PAK4: variants seen among roughly 807,000 people sequenced by gnomAD.
PAK4 encodes the protein p21 (RAC1) activated kinase 4.
Under a neutral mutation model 53.5 loss-of-function variants are expected in PAK4, and 49 were observed. That is an observed-to-expected ratio of 0.92 (90% confidence interval 0.73 to 1.16). The LOEUF is 1.16. Among genes scored for constraint, PAK4 ranks in the 50% most tolerant of loss-of-function variants. The pLI is 0.00. For missense variants in PAK4, 824 were observed against 850.7 expected (o/e 0.97, Z 0.39); for synonymous variants, 376 against 375.6 (o/e 1.00, Z -0.01).
chr19:39,169,800 C>G (rs767951701), intron 2 of PAK4, 43 bp downstream of exon 3: 4 of 1,420,262 alleles, frequency 2.8e-6, no homozygotes, highest in Non-Finnish European at 3.8e-6. Context: ...CACCCCAACC[C>G]CCGAGTGGCC....
intron 1 of PAK4, among the ~76,000 whole-genome samples, chr19:39,156,107 G>A (rs982872711): frequency 2.0e-5 from 3 of 152,130 alleles, no homozygotes; most frequent in South Asian, 2.1e-4. Flanking sequence ...CCCTGACCTC[G>A]CCCCTCCCCC....
intron 7 of PAK4, 74 bp downstream of exon 8, chr19:39,176,789 G>A: frequency 6.4e-7 from 1 of 1,558,228 alleles, no homozygotes; most frequent in Non-Finnish European, 8.7e-7. Context: ...AGCGCTGGCG[G>A]GAGATGGGGC....
chr19:39,166,405 C>T (rs772575337), intron 1 of PAK4, among the ~76,000 whole-genome samples: 2 of 152,228 alleles, frequency 1.3e-5, no homozygotes, highest in Non-Finnish European at 2.9e-5. Flanking sequence ...GATCGCACCA[C>T]TGCACTCCAG....
chr19:39,135,318 CTTA>C (rs1463595398), intron 1 of PAK4: 1 of 135,384 alleles, frequency 7.4e-6, no homozygotes, highest in East Asian at 2.3e-4. Context: ...GAGTCAAGTG[CTTA>C]TTCTTTTTTT....
chr19:39,145,359 A>T (rs1382838459), intron 1 of PAK4, among the ~76,000 whole-genome samples: 2 of 152,082 alleles, frequency 1.3e-5, no homozygotes, highest in East Asian at 3.9e-4. Flanking sequence ...CTTGGCTGCA[A>T]CTCTCTCAAT....
At chr19:39,155,445 G>A (rs965090686) in intron 1 of PAK4, among the ~76,000 whole-genome samples, 3 of 152,180 alleles carry the variant, frequency 2.0e-5, no homozygotes, top group African/African-American at 7.2e-5. Context: ...CCCAGCCTGG[G>A]GTGGCAGGGA....
At chr19:39,166,417 C>T (rs1209651695) in intron 1 of PAK4, among the ~76,000 whole-genome samples, 2 of 152,248 alleles carry the variant, frequency 1.3e-5, no homozygotes, top group African/African-American at 4.8e-5. Flanking sequence ...GCACTCCAGC[C>T]TGGGCGACAG....
chr19:39,174,398 A>G (rs1405195807), intron 4 of PAK4, among the ~76,000 whole-genome samples: 1 of 150,166 alleles, frequency 6.7e-6, no homozygotes, highest in East Asian at 2.0e-4. Flanking sequence ...CACAGCCCAC[A>G]CAACCACCAA....
Position 39,166,671 on chromosome 19 carries a change from G to A in PAK4, c.-22-2861G>A, listed in dbSNP as rs188522885. Among the ~76,000 whole-genome samples, 799 of 152,274 alleles carry A rather than the reference G, an allele frequency of 5.2e-3. 5 individuals are homozygous for A. Among genetic ancestry groups the A allele is most frequent in the Non-Finnish European group, 6.4e-3 (434 of 68,014 alleles). On this transcript the variant is annotated intron_variant, in intron 1 of 8. Coordinates refer to ENST00000358301, the Ensembl canonical transcript of PAK4. ...CCTAGGCAGCCTGACTGCCAAGCTT[G>A]GAGCTGGCCTGGGAGCCCAGCCCCC...
downstream of PAK4, chr19:39,180,411 A>G (rs2074688517): frequency 2.0e-5 from 3 of 152,118 alleles, no homozygotes; most frequent in Non-Finnish European, 4.4e-5. Flanking sequence ...CAGAATAAAT[A>G]AAAGGTTTCA....
At chr19:39,135,407 C>T (rs978443266) in intron 1 of PAK4, among the ~76,000 whole-genome samples, 1 of 145,622 alleles carries the variant, frequency 6.9e-6, no homozygotes, top group African/African-American at 2.6e-5. Context: ...GCGATCTCAG[C>T]TCACTGCAAC....
chr19:39,154,239 A>G (rs138058207), intron 1 of PAK4, among the ~76,000 whole-genome samples: 25 of 152,218 alleles, frequency 1.6e-4, no homozygotes, highest in African/African-American at 5.3e-4. Context: ...TGCTAGGTCA[A>G]GCGTGTGTCC....
At chr19:39,140,634 G>C (rs1337470771) in intron 1 of PAK4, among the ~76,000 whole-genome samples, 1 of 152,138 alleles carries the variant, frequency 6.6e-6, no homozygotes, top group Non-Finnish European at 1.5e-5. Flanking sequence ...ATGGGACTAG[G>C]GGGGACTGAT....
chr19:39,157,601 G>A (rs1481841785), intron 1 of PAK4, among the ~76,000 whole-genome samples: 1 of 152,180 alleles, frequency 6.6e-6, no homozygotes, highest in Non-Finnish European at 1.5e-5. Flanking sequence ...CTCTGCTGGT[G>A]CCCCATATTC....
At chr19:39,142,088 C>T (rs750318251) in intron 1 of PAK4, among the ~76,000 whole-genome samples, 3 of 152,310 alleles carry the variant, frequency 2.0e-5, no homozygotes, top group South Asian at 4.1e-4. Flanking sequence ...GCAATCCTCC[C>T]GCCTCAGTCT....
chr19:39,149,609 C>T (rs942820213), intron 1 of PAK4, among the ~76,000 whole-genome samples: 1 of 152,194 alleles, frequency 6.6e-6, no homozygotes, highest in Non-Finnish European at 1.5e-5. Context: ...GTAATCCCAG[C>T]ACTTTGGGAG....
intron 1 of PAK4, among the ~76,000 whole-genome samples, chr19:39,152,999 G>A (rs1454069953): frequency 2.6e-5 from 4 of 152,226 alleles, no homozygotes; most frequent in South Asian, 2.1e-4. Flanking sequence ...TACCTCCTGC[G>A]GGGGTTCTGG....
intron 1 of PAK4, among the ~76,000 whole-genome samples, chr19:39,164,209 G>C (rs573503560): frequency 6.6e-6 from 1 of 151,510 alleles, no homozygotes; most frequent in Non-Finnish European, 1.5e-5. Context: ...CCCACTAGGC[G>C]GAGGTTGCAG....
At chr19:39,147,841 G>GTTTTTTTTTTTTT (rs35845376) in intron 1 of PAK4, among the ~76,000 whole-genome samples, 2 of 13,234 alleles carry the variant, frequency 1.5e-4, no homozygotes, top group African/African-American at 3.4e-4. Flanking sequence ...TTGTTTTCGG[G>GTTTTTTTTTTTTT]TTTTTTTTTT....
Sources: allele counts gnomAD v4.1 joint callset (sites outside exome capture counted in the v4.1 genomes callset), GRCh38; gene constraint gnomAD v4.1.1; transcripts MANE v1.5; gene names NCBI Gene and HGNC (gene_info 2026-07-23, HGNC 2026-07-21).